The following DMD variants were observed in gnomAD, a reference collection of about 807,000 sequenced individuals.
DMD encodes dystrophin.
A neutral mutation model predicts 330.1 loss-of-function variants in DMD; 63 were observed. The observed-to-expected ratio is 0.19, with a 90% CI of 0.16 to 0.24. DMD has a LOEUF of 0.24. Among genes scored for constraint, DMD ranks in the 10% least tolerant of loss-of-function variants. The probability of loss-of-function intolerance (pLI) is 1.00; values close to 1 mark genes in which losing one functional copy is unlikely to be tolerated. For missense variants in DMD, 3,344 were observed against 2,684.1 expected (o/e 1.25, Z -5.43); for synonymous variants, 1,223 against 959.8 (o/e 1.27, Z -5.07).
rs2041054522 is a variant in DMD at position 31,180,570 on chromosome X, A to C, written c.9975-89T>G. On this transcript the variant is annotated intron_variant, in intron 68 of 78. Transcript: ENST00000357033. ...TTAATAAACCTTCTACCACGTTCTA[A>C]TTTGAGAAACAGAAAGCAATGTTCA... 13 of 655,542 alleles carry C rather than the reference A, an allele frequency of 2.0e-5. No individual in the cohort carries two copies. In the South Asian group the frequency reaches 2.8e-4, roughly 14 times the overall value. 54.0% of individuals were successfully genotyped at this position (655,542 alleles called of 1,213,427 possible).
intron 1 of DMD, among the ~76,000 whole-genome samples, chrX:33,230,360 T>G (rs1293042238): frequency 9.0e-6 from 1 of 111,143 alleles, no homozygotes; most frequent in Non-Finnish European, 1.9e-5. Flanking sequence ...ATAAAACAGA[T>G]GACAAACTCT....
rs780793569 is a variant in DMD, at chrX:32,216,996, G to A, written c.6358C>T (p.Leu2120=). Residue 2120 remains leucine (L), a synonymous_variant, in exon 44 of 79, where the codon CTA becomes TTA. Coordinates refer to ENST00000357033, the MANE Select transcript of DMD (RefSeq NM_004006.3). ...CTGAGAAACTGTTCAGCTTCTGTTAGCCACTGATTAAATATCTTTATATCA... is the reference window on the plus strand; with the variant it reads ...CTGAGAAACTGTTCAGCTTCTGTTAACCACTGATTAAATATCTTTATATCA... ...HYDIKIFNQW[L]TEAEQFLRKT... is the part of the protein sequence containing the mutation. The A allele has an allele frequency of 1.1e-5, 13 of 1,203,927 alleles. No homozygotes were observed. In the Admixed American group the frequency reaches 2.0e-4, roughly 18 times the overall value.
intron 18 of DMD, among the ~76,000 whole-genome samples, chrX:32,510,011 G>T (rs1233999637): frequency 9.0e-6 from 1 of 111,458 alleles, no homozygotes; most frequent in Non-Finnish European, 1.9e-5. Flanking sequence ...CATCATCTCT[G>T]AGGGGTATGA....
chrX:31,716,556 A>AAACAC (rs1463746800), intron 52 of DMD, among the ~76,000 whole-genome samples: 9 of 108,967 alleles, frequency 8.3e-5, no homozygotes, highest in African/African-American at 2.7e-4. Context: ...CATCTCAACA[A>AAACAC]AACAAAACAA....
At chrX:31,870,355 A>G (rs1205320985) in intron 48 of DMD, among the ~76,000 whole-genome samples, 1 of 111,907 alleles carries the variant, frequency 8.9e-6, no homozygotes. Context: ...GCACTTTGAT[A>G]TAGAATCATC....
At chrX:33,220,413 T>C (rs753497488) in intron 1 of DMD, among the ~76,000 whole-genome samples, 2 of 112,007 alleles carry the variant, frequency 1.8e-5, no homozygotes, top group Non-Finnish European at 1.9e-5. Flanking sequence ...ATGTAGCCTT[T>C]GCCTTCATTT....
At chrX:32,271,885 C>T (rs1480376905) in intron 43 of DMD, among the ~76,000 whole-genome samples, 2 of 111,784 alleles carry the variant, frequency 1.8e-5, no homozygotes, top group East Asian at 2.8e-4. Context: ...TTATTGAATA[C>T]ACTATGATGG....
chrX:31,599,584 A>G (rs1473314503), intron 55 of DMD, among the ~76,000 whole-genome samples: 3 of 112,470 alleles, frequency 2.7e-5, no homozygotes, highest in Non-Finnish European at 5.6e-5. Context: ...GTTTTAATAA[A>G]ATCTATTTAT....
chrX:32,944,750 G>A (rs929356560), intron 2 of DMD, among the ~76,000 whole-genome samples: 1 of 109,304 alleles, frequency 9.1e-6, no homozygotes, highest in Non-Finnish European at 1.9e-5. Flanking sequence ...GATTACAGGC[G>A]CCTGCCATCA....
At chrX:32,564,714 G>GT (rs1205942980) in intron 16 of DMD, among the ~76,000 whole-genome samples, 2 of 111,644 alleles carry the variant, frequency 1.8e-5, no homozygotes, top group Admixed American at 1.9e-4. Context: ...ATATAGGCTG[G>GT]TTTATTACGC....
At chrX:32,501,945 C>A in intron 18 of DMD, 103 bp from the exon 19 acceptor site, 1 of 611,713 alleles carries the variant, frequency 1.6e-6, no homozygotes, top group East Asian at 3.6e-5. Flanking sequence ...ATGTTTCACT[C>A]TGTCAGCTTA....
Position 31,679,313 on chromosome X carries a change from A to G in DMD, c.7872+62T>C, listed in dbSNP as rs979923430. 10 of 947,084 alleles carry G rather than the reference A, an allele frequency of 1.1e-5. No individual in the cohort carries two copies. In the East Asian group the frequency reaches 3.0e-4, roughly 29 times the overall value. The allele number at this position is 947,084 out of a possible 1,213,427, so 78.1% of individuals were successfully genotyped here. A position where few individuals can be genotyped will look rare whatever the true frequency, so the allele number is the denominator to read the frequency against. On this transcript the variant is annotated intron_variant, in intron 53 of 78. Coordinates refer to ENST00000357033, the MANE Select transcript of DMD (RefSeq NM_004006.3). ...ATTAAACATCATTAAATTACAATCT[A>G]TGGTATAATTTTATCAAATGTAACC...
At chrX:32,925,162 TTTTTTTTTTTTTA>T (rs1156621231) in intron 2 of DMD, among the ~76,000 whole-genome samples, 1 of 98,277 alleles carries the variant, frequency 1.0e-5, no homozygotes, top group Non-Finnish European at 2.0e-5. Context: ...TTTTTTTTTT[TTTTTTTTTTTTTA>T]GAAAAATAAT....
intron 44 of DMD, among the ~76,000 whole-genome samples, chrX:32,007,213 G>GTAT (rs1483792590): frequency 5.6e-5 from 2 of 35,634 alleles, no homozygotes; most frequent in African/African-American, 1.7e-4. Context: ...AAAACTTAAA[G>GTAT]TATAATAATA....
chrX:32,815,520 T>TATATATATACACACACACACACAC, intron 6 of DMD, among the ~76,000 whole-genome samples: 8 of 78,916 alleles, frequency 1.0e-4, no homozygotes, highest in African/African-American at 4.2e-4. Flanking sequence ...TATATATATA[T>TATATATATACACACACACACACAC]ACACACACAC....
At chrX:32,438,507 C>G in intron 28 of DMD, 117 bp from the exon 29 acceptor site, 2 of 913,081 alleles carry the variant, frequency 2.2e-6, no homozygotes, top group Non-Finnish European at 3.1e-6. Flanking sequence ...CAATTTAAAG[C>G]AAATTTTAAT....
chrX:32,309,596 T>C (rs190087023), intron 42 of DMD, among the ~76,000 whole-genome samples: 7 of 111,518 alleles, frequency 6.3e-5, no homozygotes, highest in African/African-American at 1.9e-4. Flanking sequence ...AAATATTTTA[T>C]TGATTTCTAT....
chrX:32,086,154 G>C (rs1010710142), intron 44 of DMD, among the ~76,000 whole-genome samples: 1 of 111,935 alleles, frequency 8.9e-6, no homozygotes, highest in African/African-American at 3.2e-5. Context: ...GATCAGATCG[G>C]TGATTACTCT....
intron 4 of DMD, among the ~76,000 whole-genome samples, chrX:32,831,608 T>C (rs1045227553): frequency 5.2e-4 from 56 of 106,939 alleles, no homozygotes; most frequent in African/African-American, 1.9e-3. Flanking sequence ...GAAGGGAAAA[T>C]GATGAATAAA....
Sources: gnomAD v4.1 joint callset for allele counts (sites outside exome capture counted in the v4.1 genomes callset) on GRCh38, gnomAD v4.1.1 for gene constraint, MANE v1.5 for transcripts, NCBI Gene and HGNC (gene_info 2026-07-23, HGNC 2026-07-21) for gene names.